The following CADPS2 variants were observed in gnomAD, a reference collection of about 807,000 sequenced individuals.
CADPS2 encodes calcium dependent secretion activator 2, also known as calcium-dependent secretion activator 2.
A neutral mutation model predicts 172.5 loss-of-function variants in CADPS2; 93 were observed. The ratio of observed to expected loss-of-function variants is 0.54; its 90% CI spans 0.46 to 0.64. The LOEUF is 0.64. Ranked by LOEUF, CADPS2 falls within the 30% of genes least tolerant of loss-of-function variation. The pLI, the probability that CADPS2 is intolerant of heterozygous loss-of-function variation, is 0.00. For synonymous variants in CADPS2, 546 were observed against 555.2 expected (o/e 0.98, Z 0.23); for missense variants, 1,420 against 1,565.9 (o/e 0.91, Z 1.57).
At chr7:122,391,636 A>G (rs2044377125) in intron 22 of CADPS2, among the ~76,000 whole-genome samples, 1 of 152,154 alleles carries the variant, frequency 6.6e-6, no homozygotes, top group African/African-American at 2.4e-5. Flanking sequence ...TGTAAGAAAA[A>G]AAATTCACAT....
chr7:122,435,820 T>G (rs2050568934), intron 17 of CADPS2, among the ~76,000 whole-genome samples: 1 of 152,232 alleles, frequency 6.6e-6, no homozygotes, highest in South Asian at 2.1e-4. Flanking sequence ...AGAATATTAT[T>G]CAGCCTTAAA....
At chr7:122,690,502 G>A (rs1447542484) in intron 2 of CADPS2, among the ~76,000 whole-genome samples, 5 of 152,154 alleles carry the variant, frequency 3.3e-5, no homozygotes, top group South Asian at 2.1e-4. Context: ...GGCCACAATC[G>A]CCAACCATCT....
At chr7:122,879,630 A>G (rs3003337) in intron 1 of CADPS2, among the ~76,000 whole-genome samples, 30,975 of 152,192 alleles carry the variant, frequency 0.2, 4,034 homozygotes, top group African/African-American at 0.37. Context: ...AGCAATCAGA[A>G]AGAAGCAAAT....
chr7:122,374,362 A>G (rs1307264037), intron 25 of CADPS2, among the ~76,000 whole-genome samples: 1 of 152,100 alleles, frequency 6.6e-6, no homozygotes, highest in Non-Finnish European at 1.5e-5. Flanking sequence ...CACACTTACC[A>G]CTTCTATTCA....
chr7:122,591,170 C>T (rs904744949), intron 6 of CADPS2, among the ~76,000 whole-genome samples: 3 of 152,008 alleles, frequency 2.0e-5, no homozygotes, highest in African/African-American at 7.2e-5. Context: ...ACAAAAATCA[C>T]AAGCATTCCT....
rs937269044 is a variant in CADPS2, at chr7:122,856,529, C to T, written c.339+29470G>A. On this transcript the variant is annotated intron_variant, in intron 1 of 29. Transcript: ENST00000449022. Reference sequence around the variant, plus strand: ...AACTCCTCTTCCTGCCACTAATCTTCCTGGAACACACAAACCTCTACTTAC... The same window carrying T: ...AACTCCTCTTCCTGCCACTAATCTTTCTGGAACACACAAACCTCTACTTAC... 1.1e-4 allele frequency among the ~76,000 whole-genome samples: 17 copies of T among 152,318 alleles called. 1 individual carries two copies. The South Asian group carries it at 2.7e-3, about 24-fold the overall frequency.
chr7:122,399,977 G>C (rs932074285), intron 20 of CADPS2, among the ~76,000 whole-genome samples: 1 of 151,108 alleles, frequency 6.6e-6, no homozygotes, highest in East Asian at 2.0e-4. Context: ...CCCGGCCAAG[G>C]GTGGGTTTCT....
At chr7:122,590,649 C>T (rs2070649846) in intron 6 of CADPS2, among the ~76,000 whole-genome samples, 1 of 151,272 alleles carries the variant, frequency 6.6e-6, no homozygotes, top group South Asian at 2.1e-4. Context: ...CTAAGGCAGC[C>T]CAATACTTTA....
intron 2 of CADPS2, among the ~76,000 whole-genome samples, chr7:122,692,495 C>T (rs184262569): frequency 1.3e-5 from 2 of 152,332 alleles, no homozygotes; most frequent in East Asian, 1.9e-4. Flanking sequence ...TGCTTCAGTA[C>T]CTTCTCCACA....
chr7:122,752,513 T>G (rs2092992782), intron 1 of CADPS2, among the ~76,000 whole-genome samples: 1 of 152,200 alleles, frequency 6.6e-6, no homozygotes, highest in Non-Finnish European at 1.5e-5. Flanking sequence ...TAAAATTGTT[T>G]GCATATTATA....
At chr7:122,819,188 G>A (rs1018126296) in intron 1 of CADPS2, among the ~76,000 whole-genome samples, 3 of 152,222 alleles carry the variant, frequency 2.0e-5, no homozygotes, top group Non-Finnish European at 4.4e-5. Flanking sequence ...ACAGGAGCTT[G>A]CTACATGTGC....
chr7:122,446,356 C>T (rs2052201989), intron 15 of CADPS2, among the ~76,000 whole-genome samples: 1 of 152,054 alleles, frequency 6.6e-6, no homozygotes, highest in African/African-American at 2.4e-5. Flanking sequence ...TCTCTGTATT[C>T]AGGAATGCTC....
At chr7:122,763,787 T>C (rs1161732831) in intron 1 of CADPS2, among the ~76,000 whole-genome samples, 1 of 152,124 alleles carries the variant, frequency 6.6e-6, no homozygotes, top group Non-Finnish European at 1.5e-5. Context: ...TTTCAAGATC[T>C]TTCCAAATTA....
chr7:122,506,976 A>T (rs2059656816), intron 9 of CADPS2, among the ~76,000 whole-genome samples: 1 of 152,196 alleles, frequency 6.6e-6, no homozygotes, highest in African/African-American at 2.4e-5. Context: ...CTCATGTACC[A>T]GGCAGTGTTT....
At chr7:122,870,846 CT>C (rs1488550353) in intron 1 of CADPS2, among the ~76,000 whole-genome samples, 1 of 151,912 alleles carries the variant, frequency 6.6e-6, no homozygotes, top group African/African-American at 2.4e-5. Flanking sequence ...CAAATATTGC[CT>C]CAATATTTGT....
In CADPS2 at chr7:122,451,457, A is replaced by G; in HGVS notation, c.2205T>C (p.Thr735=). Residue 735 remains threonine, a synonymous_variant, in exon 15 of 30, where the codon ACT becomes ACC. Coordinates refer to ENST00000449022, the MANE Select transcript of CADPS2 (RefSeq NM_017954.11). ...ATCTTTCTTTTTCTTCCACTGAAACAGTCCCAATTCCATCAGGCCTGAAAA... is the reference window on the plus strand; with the variant it reads ...ATCTTTCTTTTTCTTCCACTGAAACGGTCCCAATTCCATCAGGCCTGAAAA... ...VHGNRPDGIG[T]VSVEEKERFE... is the part of the protein sequence containing the mutation. 1 of 1,582,962 alleles carries G rather than the reference A, an allele frequency of 6.3e-7. No homozygotes were observed. Among genetic ancestry groups the G allele is most frequent in the Non-Finnish European group, 8.6e-7 (1 of 1,163,208 alleles).
chr7:122,435,833 A>G (rs1478599591), intron 17 of CADPS2, among the ~76,000 whole-genome samples: 1 of 152,180 alleles, frequency 6.6e-6, no homozygotes, highest in Admixed American at 6.6e-5. Context: ...GCCTTAAAAA[A>G]ACAAATTTCT....
chr7:122,482,512 C>A (rs547446551), intron 11 of CADPS2, among the ~76,000 whole-genome samples: 1 of 152,296 alleles, frequency 6.6e-6, no homozygotes, highest in East Asian at 1.9e-4. Context: ...ACAAAAAATT[C>A]TGCTTCTGGT....
intron 1 of CADPS2, among the ~76,000 whole-genome samples, chr7:122,855,565 G>T (rs892070806): frequency 6.6e-6 from 1 of 152,048 alleles, no homozygotes; most frequent in Non-Finnish European, 1.5e-5. Flanking sequence ...TGGCTGGTAG[G>T]GGCAAAGTAT....
Sources: gnomAD v4.1 joint callset for allele counts (sites outside exome capture counted in the v4.1 genomes callset) on GRCh38, gnomAD v4.1.1 for gene constraint, MANE v1.5 for transcripts, NCBI Gene and HGNC (gene_info 2026-07-23, HGNC 2026-07-21) for gene names.